CDH22: variants seen among roughly 807,000 people sequenced by gnomAD.
CDH22 encodes cadherin 22.
A neutral mutation model predicts 58.4 loss-of-function variants in CDH22; 30 were observed. That is an observed-to-expected ratio of 0.51 (90% CI 0.38 to 0.70). CDH22 has a LOEUF of 0.70. Ranked by LOEUF, CDH22 falls within the 30% of genes least tolerant of loss-of-function variation. CDH22 has a pLI of 0.00. For synonymous variants in CDH22, 513 were observed against 558.2 expected (o/e 0.92, Z 1.14); for missense variants, 1,014 against 1,233.9 (o/e 0.82, Z 2.67).
At chr20:46,187,775 G>A (rs1350342407) in intron 8 of CDH22, among the ~76,000 whole-genome samples, 1 of 151,922 alleles carries the variant, frequency 6.6e-6, no homozygotes, top group Non-Finnish European at 1.5e-5. Flanking sequence ...TCACCACAGA[G>A]CACACAGCAT....
chr20:46,214,543 C>A (rs969723017), intron 5 of CDH22, among the ~76,000 whole-genome samples: 1 of 152,170 alleles, frequency 6.6e-6, no homozygotes, highest in African/African-American at 2.4e-5. Context: ...CAAAACACTG[C>A]CTGGCCCCTT....
At chr20:46,206,701 C>T (rs1335613058) in intron 7 of CDH22, among the ~76,000 whole-genome samples, 8 of 152,202 alleles carry the variant, frequency 5.3e-5, no homozygotes, top group Non-Finnish European at 7.3e-5. Flanking sequence ...CCCTCCTTAT[C>T]CTATCACTCT....
In CDH22 at chr20:46,174,388, C is replaced by T. The variant is rs970025185; in HGVS notation, c.*118G>A. On this transcript the variant is annotated 3_prime_UTR_variant, in exon 12 of 12. Transcript: ENST00000537909. The surrounding 1 kb of genome is among the most constrained non-coding windows in gnomAD (Gnocchi z 4.4). ...CTAGCAAGTCCCCCCTCCGTCCAGCCGCCAAGGGAGGGTTGGGGGAGGGCA... is the reference window on the plus strand; with the variant it reads ...CTAGCAAGTCCCCCCTCCGTCCAGCTGCCAAGGGAGGGTTGGGGGAGGGCA... 1 of 688,916 alleles carries T rather than the reference C, an allele frequency of 1.5e-6. No homozygotes were observed. The highest frequency in any genetic ancestry group is 2.2e-6 in the Non-Finnish European group (1 of 444,494). The allele number at this position is 688,916 out of a possible 1,614,324, so 42.7% of individuals were successfully genotyped here.
chr20:46,246,897 G>C (rs1193945322), intron 2 of CDH22, among the ~76,000 whole-genome samples: 6 of 152,130 alleles, frequency 3.9e-5, no homozygotes, highest in Admixed American at 3.9e-4. Context: ...GAGTGAGAGA[G>C]CGTGGTATGA....
chr20:46,306,533 G>A (rs2145790506), intron 1 of CDH22, among the ~76,000 whole-genome samples: 1 of 152,302 alleles, frequency 6.6e-6, no homozygotes, highest in South Asian at 2.1e-4. Context: ...GACCGGGAAG[G>A]GCACACAGAC....
intron 11 of CDH22, among the ~76,000 whole-genome samples, chr20:46,177,418 T>C (rs2085748942): frequency 6.6e-6 from 1 of 150,526 alleles, no homozygotes; most frequent in Non-Finnish European, 1.5e-5. Flanking sequence ...CCACCACCAA[T>C]GACTTGAGAT....
intron 10 of CDH22, among the ~76,000 whole-genome samples, chr20:46,180,571 ACT>A (rs1287887156): frequency 5.3e-5 from 8 of 151,894 alleles, no homozygotes; most frequent in African/African-American, 1.5e-4. Context: ...TGCATCAAGG[ACT>A]CTCTGCATAT....
intron 1 of CDH22, among the ~76,000 whole-genome samples, chr20:46,295,220 AC>A (rs1261776649): frequency 6.6e-6 from 1 of 152,116 alleles, no homozygotes; most frequent in Non-Finnish European, 1.5e-5. Context: ...CAAATGAGGC[AC>A]CCCAGTGGTC....
intron 10 of CDH22, among the ~76,000 whole-genome samples, chr20:46,186,231 A>C (rs1217801367): frequency 1.1e-4 from 16 of 150,394 alleles, no homozygotes; most frequent in Non-Finnish European, 1.5e-5. Context: ...ATCAAATAAA[A>C]AGCCAGAAAC....
intron 7 of CDH22, among the ~76,000 whole-genome samples, chr20:46,201,087 G>C (rs536489241): frequency 2.7e-4 from 41 of 152,372 alleles, no homozygotes; most frequent in South Asian, 1.0e-3. Context: ...CTCGGGCGGC[G>C]GCGGCCCAGA....
chr20:46,296,287 C>T (rs1368556997), intron 1 of CDH22, among the ~76,000 whole-genome samples: 1 of 152,282 alleles, frequency 6.6e-6, no homozygotes, highest in South Asian at 2.1e-4. Flanking sequence ...TAATTTGGTA[C>T]CCACTGTGAG....
chr20:46,202,649 G>A (rs1412468988), intron 7 of CDH22, among the ~76,000 whole-genome samples: 3 of 152,146 alleles, frequency 2.0e-5, no homozygotes, highest in Non-Finnish European at 2.9e-5. Flanking sequence ...CACCATGCCC[G>A]GCCGCCAGAG....
At chr20:46,266,088 G>A (rs1034276510) in intron 1 of CDH22, among the ~76,000 whole-genome samples, 10 of 152,112 alleles carry the variant, frequency 6.6e-5, no homozygotes, top group Non-Finnish European at 1.2e-4. Context: ...CCAGAGGGAG[G>A]CTCTCTGTGG....
At chr20:46,266,560 C>A (rs907696898) in intron 1 of CDH22, among the ~76,000 whole-genome samples, 2 of 152,204 alleles carry the variant, frequency 1.3e-5, no homozygotes, top group Non-Finnish European at 2.9e-5. Flanking sequence ...TGTCTTGGAG[C>A]TGCTTTGATG....
chr20:46,253,762 AAGC>A (rs2086392846), intron 1 of CDH22, among the ~76,000 whole-genome samples: 1 of 152,092 alleles, frequency 6.6e-6, no homozygotes, highest in South Asian at 2.1e-4. Flanking sequence ...CAACTCCAAC[AAGC>A]AGCTCCAGGG....
At chr20:46,212,923 G>T in intron 6 of CDH22, 72 bp downstream of exon 6, 1 of 1,309,358 alleles carries the variant, frequency 7.6e-7, no homozygotes, top group Non-Finnish European at 1.1e-6. Flanking sequence ...GGGGTATTCG[G>T]CTGCCCAGAG....
chr20:46,206,044 G>C (rs2086000095), intron 7 of CDH22, among the ~76,000 whole-genome samples: 2 of 152,154 alleles, frequency 1.3e-5, no homozygotes, highest in Admixed American at 6.6e-5. Flanking sequence ...CCCTGCCTCA[G>C]CCCAAGCCCA....
intron 1 of CDH22, among the ~76,000 whole-genome samples, chr20:46,253,329 T>C (rs1340491267): frequency 6.6e-6 from 1 of 152,102 alleles, no homozygotes; most frequent in Non-Finnish European, 1.5e-5. Flanking sequence ...TGGGGAGTCA[T>C]TGCTGGAAGG....
intron 8 of CDH22, among the ~76,000 whole-genome samples, chr20:46,188,286 T>A (rs2085840629): frequency 6.6e-6 from 1 of 152,190 alleles, no homozygotes; most frequent in African/African-American, 2.4e-5. Context: ...TTATGAGCAG[T>A]GCTGGGTAGT....
Sources: gnomAD v4.1 joint callset for allele counts (sites outside exome capture counted in the v4.1 genomes callset) on GRCh38, gnomAD v4.1.1 for gene constraint, Gnocchi (gnomAD v3.1) non-coding constraint, MANE v1.5 for transcripts, NCBI Gene and HGNC (gene_info 2026-07-23, HGNC 2026-07-21) for gene names.